SLC8A1: variants seen among roughly 807,000 people sequenced by gnomAD.
SLC8A1 encodes solute carrier family 8 member A1, also known as sodium/calcium exchanger 1.
In SLC8A1, 18 loss-of-function variants were observed where a neutral mutation model predicts 68.3. The observed-to-expected ratio is 0.26, with a 90% CI of 0.18 to 0.39. The LOEUF is 0.39. SLC8A1 is among the 10% of genes least tolerant of loss of function. SLC8A1 has a pLI of 1.00. For missense variants in SLC8A1, 985 were observed against 1,156.7 expected, an observed-to-expected ratio of 0.85 and a Z score of 2.15; for synonymous variants, 475 against 415.5, an observed-to-expected ratio of 1.14 and a Z score of -1.74.
rs1490662681 is a variant in SLC8A1 at position 40,458,744 on chromosome 2, T to C, written c.-24-28440A>G. On this transcript the variant is annotated intron_variant, in intron 1 of 7. Coordinates refer to the SLC8A1 transcript ENST00000402441. ...ACCCTTTGTCAGTTATCTCAGGAAT[T>C]ACTTCTAAGCTCTTATTTGGACCAA... Among the ~76,000 whole-genome samples, 6 of 152,314 alleles carry C rather than the reference T, an allele frequency of 3.9e-5. No homozygotes were observed. In the East Asian group the frequency reaches 1.2e-3, roughly 29 times the overall value.
At chr2:40,140,311 C>T (rs1196243776) in intron 6 of SLC8A1, among the ~76,000 whole-genome samples, 1 of 152,178 alleles carries the variant, frequency 6.6e-6, no homozygotes, top group Non-Finnish European at 1.5e-5. Flanking sequence ...TACTTTTGTT[C>T]TTTAGAACTA....
At chr2:40,250,915 G>C (rs2062641120) in intron 2 of SLC8A1, 1 of 152,188 alleles carries the variant, frequency 6.6e-6, no homozygotes, top group African/African-American at 2.4e-5. Context: ...AGGAGGGTCA[G>C]AATTTGATGA....
intron 2 of SLC8A1, among the ~76,000 whole-genome samples, chr2:40,406,054 C>T (rs150461465): frequency 8.0e-4 from 122 of 152,210 alleles, no homozygotes; most frequent in African/African-American, 2.9e-3. Flanking sequence ...CACTGAACTC[C>T]CAAATTGTTT....
At chr2:40,249,460 C>T (rs182375249) in intron 2 of SLC8A1, among the ~76,000 whole-genome samples, 35 of 152,298 alleles carry the variant, frequency 2.3e-4, no homozygotes, top group African/African-American at 8.2e-4. Context: ...TTTCCACTTT[C>T]TGTAATATTT....
intron 2 of SLC8A1, among the ~76,000 whole-genome samples, chr2:40,416,743 A>C (rs972616996): frequency 6.6e-6 from 1 of 152,100 alleles, no homozygotes; most frequent in African/African-American, 2.4e-5. Flanking sequence ...CCTGACTCCT[A>C]AATACTTGTT....
chr2:40,279,841 C>G (rs984673412), intron 2 of SLC8A1, among the ~76,000 whole-genome samples: 2 of 152,194 alleles, frequency 1.3e-5, no homozygotes, highest in African/African-American at 2.4e-5. Context: ...AAATCTGTAG[C>G]TCACCAATCT....
At chr2:40,169,696 T>G (rs957693484) in intron 4 of SLC8A1, among the ~76,000 whole-genome samples, 5 of 152,236 alleles carry the variant, frequency 3.3e-5, no homozygotes, top group African/African-American at 9.6e-5. Context: ...ATCCTAACAC[T>G]TGGTGAGGCA....
intron 2 of SLC8A1, among the ~76,000 whole-genome samples, chr2:40,339,092 G>C (rs1295681832): frequency 6.6e-6 from 1 of 152,078 alleles, no homozygotes; most frequent in Non-Finnish European, 1.5e-5. Flanking sequence ...TGATTTTCAA[G>C]AACCAAGATG....
intron 2 of SLC8A1, among the ~76,000 whole-genome samples, chr2:40,427,345 A>T (rs1697141435): frequency 6.6e-6 from 1 of 152,106 alleles, no homozygotes; most frequent in Admixed American, 6.6e-5. Context: ...TTGGCATATC[A>T]TATGCCATTA....
intron 7 of SLC8A1, among the ~76,000 whole-genome samples, chr2:40,126,369 G>A (rs113317292): frequency 1.1e-3 from 169 of 152,206 alleles, no homozygotes; most frequent in African/African-American, 3.7e-3. Flanking sequence ...TTAACCACTG[G>A]GATCTTACTG....
chr2:40,381,386 T>C (rs1297744951), intron 2 of SLC8A1, among the ~76,000 whole-genome samples: 1 of 152,082 alleles, frequency 6.6e-6, no homozygotes, highest in Non-Finnish European at 1.5e-5. Flanking sequence ...AGATTCCTAG[T>C]ATCTTAGAGA....
At position 40,342,395 on chromosome 2, in the gene SLC8A1, T is replaced by C. The variant is rs1034066432; in HGVS notation, c.1808+86078A>G. On this transcript the variant is annotated intron_variant, in intron 2 of 7. Transcript: ENST00000406785. ...ATCATATTTTTAATGTTTTAAAAAC[T>C]ATATTAACAGTGATACAGAAATTTT... Among the ~76,000 whole-genome samples the C allele has an allele frequency of 3.3e-5, 5 of 152,168 alleles. No homozygotes were observed. In the South Asian group the frequency reaches 1.0e-3, roughly 31 times the overall value.
chr2:40,421,003 C>A (rs577609330), intron 2 of SLC8A1, among the ~76,000 whole-genome samples: 2 of 152,234 alleles, frequency 1.3e-5, no homozygotes, highest in African/African-American at 2.4e-5. Context: ...AAGATTAAGT[C>A]ATACGGATAC....
intron 5 of SLC8A1, among the ~76,000 whole-genome samples, chr2:40,164,039 G>A (rs776545675): frequency 6.6e-6 from 1 of 152,100 alleles, no homozygotes; most frequent in Non-Finnish European, 1.5e-5. Context: ...CTGTGCTCTG[G>A]GTTTGTAATT....
At chr2:40,120,653 A>T (rs1281564359) in intron 7 of SLC8A1, 2 of 152,222 alleles carry the variant, frequency 1.3e-5, no homozygotes, top group Non-Finnish European at 2.9e-5. Context: ...GATGATTATA[A>T]CTATTTTATC....
chr2:40,487,505 C>T (rs568800112), intron 1 of SLC8A1, among the ~76,000 whole-genome samples: 1 of 152,248 alleles, frequency 6.6e-6, no homozygotes, highest in African/African-American at 2.4e-5. Flanking sequence ...TTCTTAAAAA[C>T]TGCTTTTGTG....
intron 5 of SLC8A1, among the ~76,000 whole-genome samples, chr2:40,164,115 G>C (rs1378519597): frequency 6.6e-6 from 1 of 152,034 alleles, no homozygotes; most frequent in African/African-American, 2.4e-5. Context: ...TTCTTCCCCT[G>C]TGGTCTTCCC....
At chr2:40,358,668 A>G (rs1393036961) in intron 2 of SLC8A1, among the ~76,000 whole-genome samples, 1 of 152,144 alleles carries the variant, frequency 6.6e-6, no homozygotes, top group African/African-American at 2.4e-5. Context: ...TCATTAATTC[A>G]CTCATTCAAC....
intron 2 of SLC8A1, among the ~76,000 whole-genome samples, chr2:40,238,519 A>G (rs936434351): frequency 3.3e-5 from 5 of 152,062 alleles, no homozygotes; most frequent in Non-Finnish European, 5.9e-5. Flanking sequence ...CTCCCTAGTG[A>G]GATGAACCCA....
Sources: gnomAD v4.1 joint callset for allele counts (sites outside exome capture counted in the v4.1 genomes callset) on GRCh38, gnomAD v4.1.1 for gene constraint, MANE v1.5 for transcripts, NCBI Gene and HGNC (gene_info 2026-07-23, HGNC 2026-07-21) for gene names.